The following PGCKA1 variants were observed in gnomAD, a reference collection of about 807,000 sequenced individuals.
The protein encoded by PGCKA1 is PDCD10 and GCKIII kinases-associated protein 1.
chr4:37,473,332 A>G, the PGCKA1 span, among the ~76,000 whole-genome samples: 1 of 152,306 alleles, frequency 6.6e-6, no homozygotes, highest in Admixed American at 6.5e-5. Flanking sequence ...TGTTTAAGAT[A>G]ATGTGTTAAT....
At chr4:37,468,687 C>A in the PGCKA1 span, among the ~76,000 whole-genome samples, 10 of 152,082 alleles carry the variant, frequency 6.6e-5, no homozygotes, top group African/African-American at 2.4e-4. Context: ...TTTTCCATAT[C>A]CTAAACATTG....
the PGCKA1 span, among the ~76,000 whole-genome samples, chr4:37,534,130 A>G: frequency 6.6e-6 from 1 of 152,236 alleles, no homozygotes. Flanking sequence ...AGAAATAATC[A>G]TCTTGTTTTT....
chr4:37,475,783 C>T, the PGCKA1 span, among the ~76,000 whole-genome samples: 1 of 151,932 alleles, frequency 6.6e-6, no homozygotes, highest in East Asian at 1.9e-4. Context: ...TTCTAGTGAG[C>T]AGTAGCTTTT....
chr4:37,580,116 CTTGA>C, the PGCKA1 span, among the ~76,000 whole-genome samples: 5 of 151,844 alleles, frequency 3.3e-5, no homozygotes, highest in African/African-American at 1.2e-4. Flanking sequence ...AGAATTTCTG[CTTGA>C]TTATTTTGTT....
At chr4:37,542,305 C>T in the PGCKA1 span, among the ~76,000 whole-genome samples, 1 of 152,236 alleles carries the variant, frequency 6.6e-6, no homozygotes, top group Non-Finnish European at 1.5e-5. Flanking sequence ...TCCCCAACAC[C>T]TGTGGGTGCT....
chr4:37,567,557 G>A, the PGCKA1 span, among the ~76,000 whole-genome samples: 45 of 152,188 alleles, frequency 3.0e-4, no homozygotes, highest in African/African-American at 1.1e-3. Context: ...CTGATCCTAA[G>A]TCACTCGCTT....
the PGCKA1 span, among the ~76,000 whole-genome samples, chr4:37,542,925 C>T: frequency 1.3e-5 from 2 of 152,082 alleles, no homozygotes; most frequent in Non-Finnish European, 2.9e-5. Flanking sequence ...TGGTCTGGCC[C>T]GCAGCACTAG....
the PGCKA1 span, among the ~76,000 whole-genome samples, chr4:37,557,149 C>T: frequency 6.6e-6 from 1 of 152,334 alleles, no homozygotes; most frequent in Admixed American, 6.5e-5. Context: ...CAAATCTGAA[C>T]ACTTGTTTTA....
At chr4:37,465,152 TG>T in the PGCKA1 span, among the ~76,000 whole-genome samples, 1 of 152,158 alleles carries the variant, frequency 6.6e-6, no homozygotes, top group Non-Finnish European at 1.5e-5. Flanking sequence ...TTTTGTGAAT[TG>T]GAGTTTTGAA....
At chr4:37,541,543 C>G in the PGCKA1 span, among the ~76,000 whole-genome samples, 1 of 152,222 alleles carries the variant, frequency 6.6e-6, no homozygotes, top group African/African-American at 2.4e-5. Flanking sequence ...CTCTACCAGC[C>G]TACTCATCAA....
the PGCKA1 span, among the ~76,000 whole-genome samples, chr4:37,474,971 A>C: frequency 6.6e-6 from 1 of 152,186 alleles, no homozygotes; most frequent in South Asian, 2.1e-4. Context: ...TTCCTTATAA[A>C]AGACTTCACA....
chr4:37,507,828 A>C, the PGCKA1 span, among the ~76,000 whole-genome samples: 2 of 152,168 alleles, frequency 1.3e-5, no homozygotes, highest in Admixed American at 1.3e-4. Flanking sequence ...TTTCTGATTG[A>C]AATACTCCCT....
the PGCKA1 span, among the ~76,000 whole-genome samples, chr4:37,518,609 G>T: frequency 6.6e-6 from 1 of 152,056 alleles, no homozygotes; most frequent in Non-Finnish European, 1.5e-5. Flanking sequence ...GCCCGTTTTT[G>T]ATCAGATTAT....
At chr4:37,472,201 A>T in the PGCKA1 span, among the ~76,000 whole-genome samples, 1 of 152,210 alleles carries the variant, frequency 6.6e-6, no homozygotes, top group Non-Finnish European at 1.5e-5. Context: ...TGCCCTACCC[A>T]TGTCCACAAA....
At chr4:37,558,011 T>A in the PGCKA1 span, 1 of 152,360 alleles carries the variant, frequency 6.6e-6, no homozygotes, top group Admixed American at 6.5e-5. Flanking sequence ...AATGTTCAAC[T>A]TTTTTGTTGT....
the PGCKA1 span, among the ~76,000 whole-genome samples, chr4:37,532,512 T>TTTTTAAAAATAATTAAAAAATAGTA: frequency 3.0e-3 from 432 of 146,250 alleles, 7 homozygotes; most frequent in African/African-American, 0.01. Flanking sequence ...GAATTTATTA[T>TTTTTAAAAATAATTAAAAAATAGTA]TTTTAAAAAT....
At chr4:37,495,358 T>C in the PGCKA1 span, among the ~76,000 whole-genome samples, 1 of 152,118 alleles carries the variant, frequency 6.6e-6, no homozygotes, top group African/African-American at 2.4e-5. Context: ...AGAAATAGCA[T>C]TTGACCCAGC....
At chr4:37,587,421 AT>A in the PGCKA1 span, among the ~76,000 whole-genome samples, 3 of 152,066 alleles carry the variant, frequency 2.0e-5, no homozygotes, top group Non-Finnish European at 4.4e-5. Context: ...TGTGGATTTT[AT>A]TTTTTTAATG....
At chr4:37,582,632 G>A in the PGCKA1 span, among the ~76,000 whole-genome samples, 38 of 152,208 alleles carry the variant, frequency 2.5e-4, no homozygotes, top group East Asian at 6.6e-3. Flanking sequence ...ATCCCTCGTT[G>A]TTTCAACTCA....
Sources: gnomAD v4.1 joint callset for allele counts (sites outside exome capture counted in the v4.1 genomes callset) on GRCh38, gnomAD v4.1.1 for gene constraint, MANE v1.5 for transcripts, NCBI Gene and HGNC (gene_info 2026-07-23, HGNC 2026-07-21) for gene names.